SP110: variants seen among roughly 807,000 people sequenced by gnomAD.
SP110 encodes the protein SP110 nuclear body protein.
SP110 carries 62 observed loss-of-function variants against 92.7 expected under a neutral mutation model. The observed-to-expected ratio is 0.67, with a 90% CI of 0.55 to 0.83. The LOEUF (loss-of-function observed/expected upper bound fraction) is 0.83, where lower values mean the gene tolerates loss of function less well. Ranked by LOEUF, SP110 falls within the 40% of genes least tolerant of loss-of-function variation. The probability of loss-of-function intolerance (pLI) is 0.00; values close to 1 mark genes in which losing one functional copy is unlikely to be tolerated. For missense variants in SP110, 793 were observed against 863.9 expected (o/e 0.92, Z 1.03); for synonymous variants, 273 against 305.3 (o/e 0.89, Z 1.10).
At position 230,214,952 on chromosome 2, in the gene SP110, C is replaced by T. The variant is rs757193455; in HGVS notation, c.314G>A (p.Arg105His). 37 of 1,613,522 alleles carry T rather than the reference C, an allele frequency of 2.3e-5. No individual in the cohort carries two copies. The highest frequency in any genetic ancestry group is 8.9e-5 in the East Asian group (4 of 44,878). ...AAGCACTTGAGAAATCTCATTACCACGTTTGAAGCTTCTGTAAATCGTCAC... is the reference window on the plus strand; with the variant it reads ...AAGCACTTGAGAAATCTCATTACCATGTTTGAAGCTTCTGTAAATCGTCAC... The part of the protein sequence containing the change: ...NLVTIYRSFK[R>H]VGASYEWQSR... Residue 105 changes from arginine to histidine, a missense_variant and splice_region_variant, in exon 3 of 19, where the codon CGT becomes CAT. By Grantham distance (29) the Arg-to-His change is conservative (BLOSUM62 0). Transcript: ENST00000258381.
At position 230,212,981 on chromosome 2, in the gene SP110, A is replaced by C; in HGVS notation, c.363T>G (p.Leu121=). Reference sequence around the variant, plus strand: ...CTTCTGCTAGGCCAGTTGGGGCTTCAAGTAGGATTGGTGTGTCTCTGCTCT... The same window carrying C: ...CTTCTGCTAGGCCAGTTGGGGCTTCCAGTAGGATTGGTGTGTCTCTGCTCT... ...EWQSRDTPIL[L]EAPTGLAEGS... is the part of the protein sequence containing the mutation. Residue 121 remains leucine, a synonymous_variant, in exon 4 of 19, where the codon CTT becomes CTG. Coordinates refer to ENST00000258381, the MANE Select transcript of SP110 (RefSeq NM_080424.4). 1 of 1,614,030 alleles carries C rather than the reference A, an allele frequency of 6.2e-7. No individual in the cohort carries two copies. Among genetic ancestry groups the C allele is most frequent in the Non-Finnish European group, 8.5e-7 (1 of 1,179,952 alleles).
intron 17 of SP110, 146 bp from the exon 18 acceptor site, chr2:230,170,907 T>C (rs2078422295): frequency 2.6e-6 from 2 of 770,908 alleles, no homozygotes; most frequent in South Asian, 1.5e-5. Context: ...TTCTAGGCAC[T>C]AGATAAACTA....
chr2:230,177,311 G>A (rs947128117), intron 14 of SP110: 18 of 576,630 alleles, frequency 3.1e-5, no homozygotes, highest in Non-Finnish European at 5.6e-5. Flanking sequence ...CCCTTTGCCG[G>A]CATTTAAAGT....
intron 1 of SP110, among the ~76,000 whole-genome samples, chr2:230,217,444 C>T: frequency 6.6e-6 from 1 of 151,970 alleles, no homozygotes; most frequent in East Asian, 1.9e-4. Flanking sequence ...CTGAGAGTGA[C>T]TGAAAATATA....
intron 12 of SP110, among the ~76,000 whole-genome samples, chr2:230,182,168 C>G (rs2396709): frequency 0.79 from 120,671 of 152,180 alleles, 47,943 homozygotes; most frequent in Admixed American, 0.84. Flanking sequence ...GGCATGATTA[C>G]AGCTGGAAGC....
At chr2:230,220,084 A>G, upstream of SP110, 1 of 985,532 alleles carries the variant, frequency 1.0e-6, no homozygotes. Context: ...CGGTGCCTGC[A>G]GCCTCTCTCC....
intron 10 of SP110, chr2:230,200,672 A>G (rs949694358): frequency 3.3e-6 from 2 of 598,040 alleles, no homozygotes; most frequent in Non-Finnish European, 5.9e-6. Flanking sequence ...AGATATACAT[A>G]CATACATATG....
At chr2:230,182,022 C>T (rs2042148683) in intron 12 of SP110, among the ~76,000 whole-genome samples, 1 of 152,230 alleles carries the variant, frequency 6.6e-6, no homozygotes, top group African/African-American at 2.4e-5. Flanking sequence ...TTCACCGCAG[C>T]ACTATTCACA....
chr2:230,169,337 C>T, intron 18 of SP110, 100 bp from the exon 19 acceptor site: 1 of 764,090 alleles, frequency 1.3e-6, no homozygotes, highest in Non-Finnish European at 2.3e-6. Context: ...GAGTCAGGGT[C>T]TTTCCCCGTC....
At chr2:230,212,619 T>A (rs1486021780) in intron 4 of SP110, 142 bp downstream of exon 4, 2 of 1,231,416 alleles carry the variant, frequency 1.6e-6, no homozygotes, top group Non-Finnish European at 2.4e-6. Context: ...TCATAATCCC[T>A]CTTGAAAAGG....
intron 8 of SP110, among the ~76,000 whole-genome samples, chr2:230,205,687 TTAGAA>T (rs1250251710): frequency 6.6e-6 from 1 of 152,228 alleles, no homozygotes; most frequent in East Asian, 1.9e-4. Flanking sequence ...TGAATGGTAC[TTAGAA>T]GACTAGGTTT....
At position 230,216,948 on chromosome 2, in the gene SP110, A is replaced by G; in HGVS notation, c.-1-20T>C. ...AACATCCTATGGAAAGAGGCATGAT[A>G]AAAAATAGAAGCAAAGGCTGGGCGC... On this transcript the variant is annotated intron_variant, in intron 1 of 18. Coordinates refer to ENST00000258381, the MANE Select transcript of SP110 (RefSeq NM_080424.4). The G allele has an allele frequency of 6.2e-7, 1 of 1,610,860 alleles. No homozygotes were observed. Among genetic ancestry groups the G allele is most frequent in the Non-Finnish European group, 8.5e-7 (1 of 1,178,834 alleles).
At chr2:230,171,450 A>G (rs1464836028) in intron 17 of SP110, 2 of 541,004 alleles carry the variant, frequency 3.7e-6, no homozygotes, top group Non-Finnish European at 6.6e-6. Context: ...AGAAGATGAA[A>G]CAGATACACA....
intron 10 of SP110, among the ~76,000 whole-genome samples, chr2:230,186,639 T>C (rs995394602): frequency 6.6e-6 from 1 of 152,054 alleles, no homozygotes; most frequent in African/African-American, 2.4e-5. Context: ...AATACATAGG[T>C]TTTTACTCCC....
intron 17 of SP110, 93 bp from the exon 18 acceptor site, chr2:230,170,854 G>A: frequency 7.5e-7 from 1 of 1,330,246 alleles, no homozygotes; most frequent in Non-Finnish European, 1.1e-6. Flanking sequence ...CATTTCCAGG[G>A]TCATAATGAT....
At chr2:230,170,036 A>T (rs1230021467) in intron 18 of SP110, among the ~76,000 whole-genome samples, 1 of 152,160 alleles carries the variant, frequency 6.6e-6, no homozygotes, top group Non-Finnish European at 1.5e-5. Context: ...ACCTCCCAAG[A>T]AATATCTGTA....
At chr2:230,193,635 A>G (rs986324114) in intron 10 of SP110, among the ~76,000 whole-genome samples, 8 of 152,224 alleles carry the variant, frequency 5.3e-5, no homozygotes, top group African/African-American at 1.9e-4. Context: ...GCCAGATACA[A>G]AATTCTTGGC....
chr2:230,172,212 C>T (rs762506311), intron 15 of SP110, 38 bp from the exon 16 acceptor site: 2 of 1,293,422 alleles, frequency 1.5e-6, no homozygotes, highest in African/African-American at 2.9e-5. Context: ...AGGGCAAAGC[C>T]CCTGGAAATG....
upstream of SP110, among the ~76,000 whole-genome samples, chr2:230,222,977 A>G (rs756145136): frequency 2.5e-4 from 37 of 149,558 alleles, no homozygotes; most frequent in Admixed American, 1.0e-3. Flanking sequence ...TTTAGCAGGT[A>G]TGCTAGCCAC....
Sources: allele counts gnomAD v4.1 joint callset (sites outside exome capture counted in the v4.1 genomes callset), GRCh38; gene constraint gnomAD v4.1.1; transcripts MANE v1.5; gene names NCBI Gene and HGNC (gene_info 2026-07-23, HGNC 2026-07-21).